Variants in ARHGEF40 observed in about 807,000 individuals in gnomAD.
The protein encoded by ARHGEF40 is Rho guanine nucleotide exchange factor (GEF) 40.
ARHGEF40 carries 98 observed loss-of-function variants against 165.9 expected under a neutral mutation model. The observed-to-expected ratio is 0.59, with a 90% CI of 0.50 to 0.70. The LOEUF (loss-of-function observed/expected upper bound fraction) is 0.70, where lower values mean the gene tolerates loss of function less well. Ranked by LOEUF, ARHGEF40 falls within the 30% of genes least tolerant of loss-of-function variation. The pLI, the probability that ARHGEF40 is intolerant of heterozygous loss-of-function variation, is 0.00. For synonymous variants in ARHGEF40, 792 were observed against 814.3 expected (o/e 0.97, Z 0.47); for missense variants, 1,815 against 1,968.0 (o/e 0.92, Z 1.47).
the ARHGEF40 span, among the ~76,000 whole-genome samples, chr14:21,064,665 G>A: frequency 7.2e-5 from 11 of 152,260 alleles, no homozygotes; most frequent in South Asian, 1.0e-3. Context: ...AAATATATAC[G>A]GACAATGCTA....
Position 21,080,662 on chromosome 14 carries a change from G to A in ARHGEF40, c.2376G>A (p.Val792=). 1.9e-6 allele frequency: 3 copies of A among 1,609,874 alleles called. No individual in the cohort carries two copies. The highest frequency in any genetic ancestry group is 2.5e-6 in the Non-Finnish European group (3 of 1,178,804). Reference sequence around the variant, plus strand: ...CCCTCCCACCCCATCTGCCTCAGGTGTTGCAGTGGCTCTCGGGCCCAGGGG... The same window carrying A: ...CCCTCCCACCCCATCTGCCTCAGGTATTGCAGTGGCTCTCGGGCCCAGGGG... ...QRQCLRRLQQ[V]LQWLSGPGEE... Residue 792 remains valine (V), a splice_region_variant and synonymous_variant, in exon 12 of 24, where the codon GTG becomes GTA. Coordinates refer to ENST00000298694, the MANE Select transcript of ARHGEF40 (RefSeq NM_018071.5).
the ARHGEF40 span, among the ~76,000 whole-genome samples, chr14:21,062,699 G>T: frequency 2.1e-5 from 3 of 145,586 alleles, no homozygotes; most frequent in Admixed American, 1.4e-4. Flanking sequence ...AACAAAACAG[G>T]CTGGGCACAG....
intron 8 of ARHGEF40, among the ~76,000 whole-genome samples, chr14:21,077,460 G>T (rs369753410): frequency 6.6e-6 from 1 of 151,944 alleles, no homozygotes; most frequent in South Asian, 2.1e-4. Context: ...TATGATTTTT[G>T]GTGGGAGATA....
chr14:21,068,869 G>GA (rs1404754152), upstream of ARHGEF40, among the ~76,000 whole-genome samples: 10 of 152,360 alleles, frequency 6.6e-5, no homozygotes, highest in East Asian at 5.8e-4. Flanking sequence ...GCGGAGCGGA[G>GA]AAAAAGGTGG....
intron 22 of ARHGEF40, 75 bp downstream of exon 22, chr14:21,088,173 A>C: frequency 6.6e-7 from 1 of 1,513,106 alleles, no homozygotes; most frequent in South Asian, 1.3e-5. Flanking sequence ...CTGATCATTC[A>C]ACCCCAGGGG....
chr14:21,087,737 G>T, intron 21 of ARHGEF40: 1 of 691,376 alleles, frequency 1.4e-6, no homozygotes, highest in Non-Finnish European at 2.4e-6. Flanking sequence ...TACCCTCCTG[G>T]TTCACCACGG....
chr14:21,077,194 C>T (rs1887493427), intron 8 of ARHGEF40, among the ~76,000 whole-genome samples: 1 of 152,092 alleles, frequency 6.6e-6, no homozygotes, highest in Admixed American at 6.5e-5. Context: ...AGCCTCGACC[C>T]TCTGGACTCA....
chr14:21,066,077 C>T (rs1018927135), upstream of ARHGEF40, among the ~76,000 whole-genome samples: 10 of 152,030 alleles, frequency 6.6e-5, no homozygotes, highest in Middle Eastern at 3.2e-3. Context: ...CCAGCCTGGG[C>T]GACAGAGCAA....
chr14:21,066,925 C>T (rs925603715), upstream of ARHGEF40, among the ~76,000 whole-genome samples: 33 of 152,260 alleles, frequency 2.2e-4, no homozygotes, highest in Middle Eastern at 3.4e-3. Context: ...GGATATTGAT[C>T]CCCAGATTCC....
intron 22 of ARHGEF40, 47 bp from the exon 23 acceptor site, chr14:21,088,783 A>C (rs752503349): frequency 5.8e-6 from 9 of 1,548,486 alleles, no homozygotes; most frequent in Non-Finnish European, 7.9e-6. Flanking sequence ...AGAGAGAGAA[A>C]GACAAGAAAT....
In ARHGEF40 at chr14:21,078,269, A is replaced by G. The variant is rs1252859881; in HGVS notation, c.2127A>G (p.Glu709=). 6.2e-7 allele frequency: 1 copy of G among 1,613,686 alleles called. No homozygotes were observed. Among genetic ancestry groups the G allele is most frequent in the East Asian group, 2.2e-5 (1 of 44,858 alleles). ...EELEGAAEPE[E]EEAVGMPKPL... ...TGGAGGGAGCAGCAGAGCCAGAGGA[A>G]GAGGTATGAAATGAGATGGGACAGT... is the stretch of plus-strand genomic sequence containing the variant. Residue 709 remains glutamate (E), a synonymous_variant, in exon 9 of 24, where the codon GAA becomes GAG. Coordinates refer to ENST00000298694, the MANE Select transcript of ARHGEF40 (RefSeq NM_018071.5).
intron 19 of ARHGEF40, 69 bp from the exon 20 acceptor site, chr14:21,086,922 AGAAAAAAATC>A: frequency 8.3e-7 from 1 of 1,200,496 alleles, no homozygotes; most frequent in South Asian, 1.5e-5. Flanking sequence ...AAAAAAAAAA[AGAAAAAAATC>A]AACCATGACA....
upstream of ARHGEF40, among the ~76,000 whole-genome samples, chr14:21,067,701 C>G (rs1004911988): frequency 6.6e-6 from 1 of 151,758 alleles, no homozygotes; most frequent in Non-Finnish European, 1.5e-5. Context: ...ATAACTTTAC[C>G]CTTTCATATT....
At chr14:21,076,728 A>G in intron 7 of ARHGEF40, 46 bp from the exon 8 acceptor site, 1 of 1,609,552 alleles carries the variant, frequency 6.2e-7, no homozygotes, top group Non-Finnish European at 8.5e-7. Context: ...CTGGTTTCTG[A>G]GTCCTTGGGT....
chr14:21,077,277 G>GTC (rs1229886464), intron 8 of ARHGEF40, among the ~76,000 whole-genome samples: 1 of 115,694 alleles, frequency 8.6e-6, no homozygotes, highest in Non-Finnish European at 1.8e-5. Context: ...CCTAGTTTTT[G>GTC]TATTTTTTTT....
intron 14 of ARHGEF40, 27 bp downstream of exon 14, chr14:21,082,146 A>C: frequency 6.4e-7 from 1 of 1,562,506 alleles, no homozygotes; most frequent in Admixed American, 1.9e-5. Flanking sequence ...ACTGGTGCTA[A>C]GAGGCGGAGC....
In ARHGEF40 at chr14:21,070,678, C is replaced by A. The variant is rs1594539368; in HGVS notation, c.3+279C>A. ...CCCCTAATCCACACACCTCCCCGCT[C>A]CCCGCCCTCCTCTGTCCTGACCTGT... On this transcript the variant is annotated intron_variant, in intron 1 of 23. Coordinates refer to ENST00000298694, the MANE Select transcript of ARHGEF40 (RefSeq NM_018071.5). The surrounding 1 kb of genome is among the most constrained non-coding windows in gnomAD (Gnocchi z 4.7). 4 of 942,122 alleles carry A rather than the reference C, an allele frequency of 4.2e-6. No individual in the cohort carries two copies. In the South Asian group the frequency reaches 6.4e-5, roughly 15 times the overall value. 58.4% of individuals were successfully genotyped at this position (942,122 alleles called of 1,614,324 possible).
intron 15 of ARHGEF40, 60 bp downstream of exon 15, chr14:21,082,538 T>A: frequency 6.7e-7 from 1 of 1,483,104 alleles, no homozygotes; most frequent in Non-Finnish European, 9.0e-7. Context: ...GCCTCATCCA[T>A]CTGTCCCTCT....
In ARHGEF40 at chr14:21,076,461, C is replaced by T. The variant is rs1055527590; in HGVS notation, c.1836+5C>T. On this transcript the variant is annotated splice_donor_5th_base_variant and intron_variant, in intron 6 of 23. Transcript: ENST00000298694. ...CCTGCCTTGAGCCAACTTCAGGTAA[C>T]CACCCCTCAAACAGGCAGTTCCCCT... 1 of 1,614,128 alleles carries T rather than the reference C, an allele frequency of 6.2e-7. No homozygotes were observed. Among genetic ancestry groups the T allele is most frequent in the African/African-American group, 1.3e-5 (1 of 75,060 alleles).
Sources: gnomAD v4.1 joint callset for allele counts (sites outside exome capture counted in the v4.1 genomes callset) on GRCh38, gnomAD v4.1.1 for gene constraint, Gnocchi (gnomAD v3.1) non-coding constraint, MANE v1.5 for transcripts, NCBI Gene and HGNC (gene_info 2026-07-23, HGNC 2026-07-21) for gene names.